AMPH: variants seen among roughly 807,000 people sequenced by gnomAD.
The protein encoded by AMPH is amphiphysin.
In AMPH, 49 loss-of-function variants were observed where a neutral mutation model predicts 99.1. The observed-to-expected ratio is 0.49, with a 90% CI of 0.39 to 0.63. The LOEUF (loss-of-function observed/expected upper bound fraction) is 0.63. Ranked by LOEUF, AMPH falls within the 20% of genes least tolerant of loss-of-function variation. AMPH has a pLI of 0.00. For synonymous variants in AMPH, 314 were observed against 317.3 expected (o/e 0.99, Z 0.11); for missense variants, 759 against 863.4 (o/e 0.88, Z 1.52).
At chr7:38,477,789 T>G (rs1026496544) in intron 5 of AMPH, among the ~76,000 whole-genome samples, 1 of 152,082 alleles carries the variant, frequency 6.6e-6, no homozygotes, top group Admixed American at 6.6e-5. Flanking sequence ...AAAGATCTAC[T>G]GCTTCTCGGG....
At chr7:38,499,206 T>G (rs1443120485) in intron 3 of AMPH, among the ~76,000 whole-genome samples, 1 of 152,218 alleles carries the variant, frequency 6.6e-6, no homozygotes, top group Non-Finnish European at 1.5e-5. Context: ...GTCTTCTCAC[T>G]CTGCTGTGAG....
Position 38,436,283 on chromosome 7 carries a change from G to T in AMPH, c.1123C>A (p.Pro375Thr). 1 of 1,613,794 alleles carries T rather than the reference G, an allele frequency of 6.2e-7. No individual in the cohort carries two copies. Among genetic ancestry groups the T allele is most frequent in the Non-Finnish European group, 8.5e-7 (1 of 1,179,692 alleles). Residue 375 changes from proline to threonine, a missense_variant, in exon 12 of 21, where the codon CCC becomes ACC. Pro to Thr is a conservative substitution (Grantham distance 38). Transcript: ENST00000356264. ...AAAGCACCTGATACCTGAGACATGG[G>T]TGAGTGGGTCACTCCAGCAGAACCT... ...PAGSAGVTHS[P>T]MSQTLPWDLW...
chr7:38,385,299 A>C (rs534414239), intron 20 of AMPH, among the ~76,000 whole-genome samples: 1 of 152,312 alleles, frequency 6.6e-6, no homozygotes, highest in South Asian at 2.1e-4. Flanking sequence ...TACCATGTGA[A>C]AGCATTTCAT....
chr7:38,418,229 A>G (rs1785456902), intron 16 of AMPH, among the ~76,000 whole-genome samples: 1 of 152,102 alleles, frequency 6.6e-6, no homozygotes, highest in Non-Finnish European at 1.5e-5. Context: ...CATTTTACTT[A>G]CTTGCAACAT....
chr7:38,608,543 T>G (rs1253657542), intron 1 of AMPH, among the ~76,000 whole-genome samples: 1 of 152,154 alleles, frequency 6.6e-6, no homozygotes, highest in African/African-American at 2.4e-5. Flanking sequence ...CCTGGTCAGC[T>G]CCCTGAAAAC....
Position 38,428,837 on chromosome 7 carries a change from A to G in AMPH, c.1182+1005T>C, listed in dbSNP as rs559088621. 138 of 501,118 alleles carry G rather than the reference A, an allele frequency of 2.8e-4. 1 individual carries two copies. Among genetic ancestry groups the G allele is most frequent in the African/African-American group, 2.1e-3 (109 of 50,974 alleles). 31.0% of individuals were successfully genotyped at this position (501,118 alleles called of 1,614,324 possible). ...CTTCCATGTCCTTTTCTAATAGGTC[A>G]GTTTTCTCAAAATAATTTTCATTGG... is the stretch of plus-strand genomic sequence containing the variant. On this transcript the variant is annotated intron_variant, in intron 14 of 20. Transcript: ENST00000356264.
In AMPH at chr7:38,534,967, C is replaced by T. The variant is rs1396066144; in HGVS notation, c.114G>A (p.Gln38=). 10 of 1,614,142 alleles carry T rather than the reference C, an allele frequency of 6.2e-6. No individual in the cohort carries two copies. In the East Asian group the frequency reaches 2.2e-4, roughly 36 times the overall value. The change falls in exon 2 of 21, where the codon CAG becomes CAA. Residue 38 remains glutamine (Q), a synonymous_variant. Transcript: ENST00000356264. The part of the protein sequence containing the change: ...LGKADETKDE[Q]FEEYVQNFKR... ...TGAAGTTCTGGACATATTCTTCGAA[C>T]TGTTCGTCTTTTGTCTCATCAGCTT...
chr7:38,570,065 C>G (rs1791885785), intron 1 of AMPH, among the ~76,000 whole-genome samples: 1 of 152,148 alleles, frequency 6.6e-6, no homozygotes, highest in South Asian at 2.1e-4. Flanking sequence ...AACACTGCAA[C>G]CTGCCCGGAA....
At chr7:38,484,872 G>A (rs1361232318) in intron 5 of AMPH, among the ~76,000 whole-genome samples, 1 of 151,858 alleles carries the variant, frequency 6.6e-6, no homozygotes, top group East Asian at 1.9e-4. Flanking sequence ...AAAGTATAGA[G>A]TTTTTATAGG....
At chr7:38,415,006 A>G (rs942309840) in intron 17 of AMPH, among the ~76,000 whole-genome samples, 3 of 152,146 alleles carry the variant, frequency 2.0e-5, no homozygotes, top group Non-Finnish European at 2.9e-5. Flanking sequence ...TTATTTACAT[A>G]ACATAGAAAC....
chr7:38,571,729 T>G (rs1034344437), intron 1 of AMPH, among the ~76,000 whole-genome samples: 1 of 151,488 alleles, frequency 6.6e-6, no homozygotes, highest in Non-Finnish European at 1.5e-5. Context: ...AAGGTTATAG[T>G]GAAGAAAGAG....
intron 1 of AMPH, among the ~76,000 whole-genome samples, chr7:38,550,858 C>T (rs6942775): frequency 0.66 from 100,693 of 152,024 alleles, 33,642 homozygotes; most frequent in East Asian, 0.88. Context: ...AAGATGATTC[C>T]GCAAATCTCC....
At chr7:38,457,157 G>A (rs534358575) in intron 11 of AMPH, among the ~76,000 whole-genome samples, 23 of 152,222 alleles carry the variant, frequency 1.5e-4, no homozygotes, top group Non-Finnish European at 2.9e-4. Flanking sequence ...TTGGAAATTG[G>A]AAGTTATACC....
chr7:38,494,810 T>C (rs1392860623), intron 3 of AMPH, among the ~76,000 whole-genome samples: 1 of 152,182 alleles, frequency 6.6e-6, no homozygotes, highest in African/African-American at 2.4e-5. Flanking sequence ...ATAATCATAG[T>C]GTGTCCTATT....
chr7:38,612,912 A>C (rs1398711192), intron 1 of AMPH, among the ~76,000 whole-genome samples: 1 of 152,246 alleles, frequency 6.6e-6, no homozygotes, highest in African/African-American at 2.4e-5. Flanking sequence ...AAAGCATATA[A>C]ATATAGCCCT....
chr7:38,584,370 G>T (rs985946004), intron 1 of AMPH, among the ~76,000 whole-genome samples: 1 of 152,176 alleles, frequency 6.6e-6, no homozygotes, highest in Non-Finnish European at 1.5e-5. Context: ...ATATGGTTTC[G>T]TTTAGTAAGA....
intron 1 of AMPH, among the ~76,000 whole-genome samples, chr7:38,595,466 G>A (rs12536104): frequency 0.15 from 23,273 of 152,184 alleles, 2,275 homozygotes; most frequent in Admixed American, 0.26. Flanking sequence ...GGCCAGTGAA[G>A]CCCGAATACA....
At chr7:38,407,252 T>C (rs537857846) in intron 17 of AMPH, among the ~76,000 whole-genome samples, 9 of 146,762 alleles carry the variant, frequency 6.1e-5, no homozygotes, top group Non-Finnish European at 1.4e-4. Context: ...TATCTGTATC[T>C]AACTATCTAT....
intron 11 of AMPH, among the ~76,000 whole-genome samples, chr7:38,442,995 G>C (rs1490992687): frequency 6.6e-6 from 1 of 151,938 alleles, no homozygotes; most frequent in Non-Finnish European, 1.5e-5. Context: ...AAGAGAGAGT[G>C]AACAAGGATG....
Sources: gnomAD v4.1 joint callset for allele counts (sites outside exome capture counted in the v4.1 genomes callset) on GRCh38, gnomAD v4.1.1 for gene constraint, MANE v1.5 for transcripts, NCBI Gene and HGNC (gene_info 2026-07-23, HGNC 2026-07-21) for gene names.